Variants in RUFY2 observed in about 807,000 individuals in gnomAD.
The protein encoded by RUFY2 is RUN and FYVE domain containing 2, also known as RUN and FYVE domain-containing protein 2.
In RUFY2, 49 loss-of-function variants were observed where a neutral mutation model predicts 94.4. That is an observed-to-expected ratio of 0.52 (90% CI 0.41 to 0.66). The LOEUF is 0.66. Ranked by LOEUF, RUFY2 falls within the 30% of genes least tolerant of loss-of-function variation. RUFY2 has a pLI of 0.00. For missense variants in RUFY2, 541 were observed against 692.8 expected, an observed-to-expected ratio of 0.78 and a Z score of 2.46; for synonymous variants, 255 against 235.7, an observed-to-expected ratio of 1.08 and a Z score of -0.75.
chr10:68,406,891 G>A (rs778521970), intron 1 of RUFY2: 5 of 1,591,092 alleles, frequency 3.1e-6, no homozygotes, highest in Non-Finnish European at 3.4e-6. Flanking sequence ...CCCCGACCCG[G>A]GAGTGACACC....
rs1174653268 is a variant in RUFY2 at position 68,400,899 on chromosome 10, G to C, written c.296+721C>G. Among the ~76,000 whole-genome samples, 2 of 151,994 alleles carry C rather than the reference G, an allele frequency of 1.3e-5. 1 individual carries two copies. Among genetic ancestry groups the C allele is most frequent in the African/African-American group, 4.8e-5 (2 of 41,378 alleles). The stretch of plus-strand genomic sequence containing the variant: ...GTGGTGGCGGGCGCCTGTAGTCCCA[G>C]CTACTCGGGAGGCTGAGGCAGGAGA... On this transcript the variant is annotated intron_variant, in intron 3 of 17. Coordinates refer to ENST00000602465, the MANE Select transcript of RUFY2 (RefSeq NM_001330103.2).
chr10:68,389,863 G>A (rs1052737099), intron 7 of RUFY2, among the ~76,000 whole-genome samples: 7 of 152,078 alleles, frequency 4.6e-5, no homozygotes, highest in Admixed American at 3.3e-4. Context: ...GTAAGAAGAG[G>A]GAGAGGGAAG....
intron 7 of RUFY2, among the ~76,000 whole-genome samples, chr10:68,391,520 C>T (rs955309909): frequency 3.3e-5 from 5 of 151,552 alleles, no homozygotes; most frequent in Non-Finnish European, 5.9e-5. Flanking sequence ...TGGTGGTGCA[C>T]ACTTGTGGTC....
chr10:68,393,543 C>T lies in RUFY2; in HGVS notation c.585-340G>A, dbSNP rs143053704. Among the ~76,000 whole-genome samples, 1,257 of 152,160 alleles carry T rather than the reference C, an allele frequency of 8.3e-3. 17 individuals carry two copies. The highest frequency in any genetic ancestry group is 0.028 in the African/African-American group (1,163 of 41,526). On this transcript the variant is annotated intron_variant, in intron 6 of 17. Transcript: ENST00000602465. ...AGGAGTTCAAAACCAGTCTGGCCAA[C>T]GTGGTGAAACCCTGTCTCTACTAAA...
chr10:68,374,429 C>T (rs575474652), intron 13 of RUFY2, among the ~76,000 whole-genome samples: 23 of 152,014 alleles, frequency 1.5e-4, no homozygotes, highest in African/African-American at 5.3e-4. Flanking sequence ...CAAAGAAGTA[C>T]ATCATATAAT....
At chr10:68,343,242 T>C (rs973772519), downstream of RUFY2, 2 of 152,300 alleles carry the variant, frequency 1.3e-5, no homozygotes, top group Admixed American at 1.3e-4. Context: ...AATTCTAAAA[T>C]CAAATTGGTA....
intron 16 of RUFY2, 181 bp from the exon 17 acceptor site, chr10:68,346,265 T>C (rs1304042276): frequency 8.8e-6 from 5 of 565,076 alleles, no homozygotes; most frequent in Non-Finnish European, 1.5e-5. Flanking sequence ...ATATTCTGGG[T>C]TGGGGAGGTG....
downstream of RUFY2, chr10:68,341,685 GT>G (rs2045956641): frequency 5.6e-6 from 9 of 1,609,186 alleles, no homozygotes; most frequent in Non-Finnish European, 7.6e-6. Context: ...GAATGGGTAT[GT>G]AAAGTTTTTA....
chr10:68,360,897 CAAATAAAT>C (rs56749024), intron 15 of RUFY2, among the ~76,000 whole-genome samples: 22 of 148,662 alleles, frequency 1.5e-4, no homozygotes, highest in African/African-American at 3.0e-4. Flanking sequence ...GACCCCGTCT[CAAATAAAT>C]AAATAAATAA....
intron 4 of RUFY2, among the ~76,000 whole-genome samples, chr10:68,394,850 C>T (rs1300595279): frequency 6.6e-5 from 10 of 151,668 alleles, no homozygotes; most frequent in African/African-American, 1.2e-4. Context: ...AAGATAGTCT[C>T]GATCTCCTGA....
At chr10:68,395,071 C>T (rs774890279) in intron 4 of RUFY2, among the ~76,000 whole-genome samples, 2 of 152,004 alleles carry the variant, frequency 1.3e-5, no homozygotes, top group Non-Finnish European at 2.9e-5. Flanking sequence ...GACACGGTGG[C>T]TCACGCCTGT....
intron 7 of RUFY2, among the ~76,000 whole-genome samples, chr10:68,388,834 T>A (rs1458590248): frequency 2.2e-5 from 2 of 92,688 alleles, no homozygotes. Flanking sequence ...GAGAACCCTG[T>A]CTCAAAAAAA....
intron 13 of RUFY2, among the ~76,000 whole-genome samples, chr10:68,374,114 C>CAAAAA (rs34041522): frequency 1.0e-4 from 6 of 59,348 alleles, no homozygotes; most frequent in African/African-American, 3.5e-4. Flanking sequence ...GATCCTGTCC[C>CAAAAA]AAAAAAAAAA....
Position 68,405,709 on chromosome 10 carries a change from AC to A in RUFY2, c.5-866del. The A allele has an allele frequency of 3.0e-6, 3 of 984,430 alleles. No homozygotes were observed. In the South Asian group the frequency reaches 1.4e-4, roughly 46 times the overall value. The allele number at this position is 984,430 out of a possible 1,614,324, so 61.0% of individuals were successfully genotyped here. ...AAGAAGCCGTCCAATTCTTTCGTCTACCCTCTTTCTGTCTGGCTTCTTCATT... is the reference window on the plus strand; with the variant it reads ...AAGAAGCCGTCCAATTCTTTCGTCTACCTCTTTCTGTCTGGCTTCTTCATT... On this transcript the variant is annotated intron_variant, in intron 1 of 17. Transcript: ENST00000602465.
At chr10:68,377,577 T>C (rs2048762994) in intron 12 of RUFY2, 1 of 985,318 alleles carries the variant, frequency 1.0e-6, no homozygotes, top group African/African-American at 1.7e-5. Context: ...TGGTGCCAGT[T>C]GGCATCATTT....
At chr10:68,367,617 G>T (rs1379027257) in intron 13 of RUFY2, among the ~76,000 whole-genome samples, 1 of 151,892 alleles carries the variant, frequency 6.6e-6, no homozygotes, top group Non-Finnish European at 1.5e-5. Context: ...ACAACACCCA[G>T]CTAATTTTTT....
Position 68,363,997 on chromosome 10 carries a change from A to C in RUFY2, c.1442T>G (p.Ile481Ser), listed in dbSNP as rs1203113526. The C allele has an allele frequency of 6.3e-7, 1 of 1,595,370 alleles. No homozygotes were observed. The highest frequency in any genetic ancestry group is 8.6e-7 in the Non-Finnish European group (1 of 1,166,858). Reference sequence around the variant, plus strand: ...ACCACTATTTACTTTTTTAAGACTAATGATTTGTTGAGTCTCATTTCTAAG... The same window carrying C: ...ACCACTATTTACTTTTTTAAGACTACTGATTTGTTGAGTCTCATTTCTAAG... The part of the protein sequence containing the change: ...SHLRNETQQI[I>S]SLKKEFLNLQ... Residue 481 changes from isoleucine to serine, a missense_variant, in exon 14 of 18, where the codon ATT (isoleucine) becomes AGT (serine). This residue lies in a region of RUFY2 where 403 missense variants were observed against 480.7 expected (regional missense o/e 0.84). Transcript: ENST00000602465.
chr10:68,407,158 G>A (rs1322388247), intron 1 of RUFY2, 28 bp downstream of exon 1: 3 of 1,482,228 alleles, frequency 2.0e-6, no homozygotes, highest in Non-Finnish European at 2.7e-6. Context: ...TGAGGGCCTA[G>A]CGTTCGGTTT....
downstream of RUFY2, chr10:68,342,100 A>G (rs1422703090): frequency 5.3e-6 from 7 of 1,331,570 alleles, no homozygotes; most frequent in East Asian, 1.7e-4. Context: ...CATCTGGTCT[A>G]CTAGACTTTC....
Sources: gnomAD v4.1 joint callset for allele counts (sites outside exome capture counted in the v4.1 genomes callset) on GRCh38, gnomAD v4.1.1 for gene constraint, gnomAD v4.1.1 regional missense constraint, MANE v1.5 for transcripts, NCBI Gene and HGNC (gene_info 2026-07-23, HGNC 2026-07-21) for gene names.